Variants in PTPN2 observed in about 807,000 individuals in gnomAD.
PTPN2 encodes tyrosine-protein phosphatase non-receptor type 2.
A neutral mutation model predicts 57.3 loss-of-function variants in PTPN2; 19 were observed. The ratio of observed to expected loss-of-function variants is 0.33; its 90% CI spans 0.23 to 0.49. PTPN2 has a LOEUF of 0.49. PTPN2 is among the 20% of genes least tolerant of loss of function. PTPN2 has a pLI of 0.99. For synonymous variants in PTPN2, 153 were observed against 164.9 expected, an observed-to-expected ratio of 0.93 and a Z score of 0.55; for missense variants, 358 against 501.1, an observed-to-expected ratio of 0.71 and a Z score of 2.73.
At chr18:12,805,082 C>T (rs551059057) in intron 7 of PTPN2, among the ~76,000 whole-genome samples, 4 of 152,278 alleles carry the variant, frequency 2.6e-5, no homozygotes, top group African/African-American at 7.2e-5. Flanking sequence ...AATCAATAAA[C>T]ATGATCTCTC....
intron 4 of PTPN2, among the ~76,000 whole-genome samples, chr18:12,829,952 T>G (rs2042611065): frequency 6.6e-6 from 1 of 152,192 alleles, no homozygotes; most frequent in Non-Finnish European, 1.5e-5. Flanking sequence ...GTTAACCATC[T>G]AGGTTCAACC....
chr18:12,804,167 C>T (rs2041534671), intron 7 of PTPN2, among the ~76,000 whole-genome samples: 1 of 150,968 alleles, frequency 6.6e-6, no homozygotes, highest in African/African-American at 2.4e-5. Context: ...TGGTGGGCAC[C>T]TGTAATTCCA....
rs374559958 is a variant in PTPN2 at position 12,794,319 on chromosome 18, A to T, written c.1207T>A (p.Phe403Ile). Residue 403 changes from phenylalanine (F) to isoleucine (I), a missense_variant, in exon 9 of 9, where the codon TTT becomes ATT. Physicochemically the swap from Phe to Ile is conservative, Grantham distance 21 (BLOSUM62 0). Transcript: ENST00000309660. Reference protein sequence around the residue: ...GFMSVILVGAFVGWTLFFQQN... With the variant: ...GFMSVILVGAIVGWTLFFQQN... ...TGAAAAAACAGTGTCCAGCCAACAAAAGCGCCAACCAAAATGACTGACATA... is the reference window on the plus strand; with the variant it reads ...TGAAAAAACAGTGTCCAGCCAACAATAGCGCCAACCAAAATGACTGACATA... 5.6e-6 allele frequency: 9 copies of T among 1,614,096 alleles called. No individual in the cohort carries two copies. The highest frequency in any genetic ancestry group is 7.6e-6 in the Non-Finnish European group (9 of 1,180,048).
intron 2 of PTPN2, among the ~76,000 whole-genome samples, chr18:12,839,875 A>G (rs1169901152): frequency 6.6e-6 from 1 of 151,848 alleles, no homozygotes; most frequent in Admixed American, 6.6e-5. Context: ...AGAAATGACT[A>G]GTGCTAGCTG....
rs186729686 is a variant in PTPN2 at position 12,870,310 on chromosome 18, C to T, written c.70-11056G>A. ...ATATACATATATATGTGTATATATA[C>T]ATATATATGTGTATATATATGTATA... On this transcript the variant is annotated intron_variant, in intron 1 of 8. Coordinates refer to ENST00000309660, the MANE Select transcript of PTPN2 (RefSeq NM_002828.4). Among the ~76,000 whole-genome samples, 455 of 56,894 alleles carry T rather than the reference C, an allele frequency of 8.0e-3. 8 individuals carry two copies. Among genetic ancestry groups the T allele is most frequent in the African/African-American group, 0.039 (302 of 7,816 alleles). 37.3% of individuals were successfully genotyped at this position (56,894 alleles called of 152,430 possible).
At chr18:12,866,370 G>A (rs981578422) in intron 1 of PTPN2, among the ~76,000 whole-genome samples, 15 of 152,118 alleles carry the variant, frequency 9.9e-5, no homozygotes, top group African/African-American at 2.9e-4. Context: ...CCCAGGAGGC[G>A]GGGCTTGCAG....
At chr18:12,827,368 A>AATG (rs1382685850) in intron 4 of PTPN2, among the ~76,000 whole-genome samples, 1 of 148,660 alleles carries the variant, frequency 6.7e-6, no homozygotes, top group Admixed American at 6.9e-5. Flanking sequence ...TAATAATAAT[A>AATG]ATAATGCCTT....
chr18:12,880,219 C>T (rs1345272244), intron 1 of PTPN2, among the ~76,000 whole-genome samples: 1 of 152,124 alleles, frequency 6.6e-6, no homozygotes, highest in Non-Finnish European at 1.5e-5. Flanking sequence ...CATTTACAAA[C>T]GCCCTAAGGG....
intron 6 of PTPN2, among the ~76,000 whole-genome samples, chr18:12,816,100 T>C (rs534354636): frequency 6.6e-6 from 1 of 152,264 alleles, no homozygotes; most frequent in Admixed American, 6.5e-5. Flanking sequence ...GCCCAGGAAT[T>C]TGAGACTAGC....
intron 1 of PTPN2, among the ~76,000 whole-genome samples, chr18:12,866,363 A>G (rs915672936): frequency 6.6e-6 from 1 of 152,042 alleles, no homozygotes; most frequent in Non-Finnish European, 1.5e-5. Flanking sequence ...GCGTGAACCC[A>G]GGAGGCGGGG....
chr18:12,859,528 G>A (rs529924168), intron 1 of PTPN2, among the ~76,000 whole-genome samples: 2 of 152,280 alleles, frequency 1.3e-5, no homozygotes, highest in South Asian at 2.1e-4. Flanking sequence ...ATTGAACCAA[G>A]GTCCTTCAGA....
At chr18:12,870,526 T>TTG (rs2044234058) in intron 1 of PTPN2, among the ~76,000 whole-genome samples, 1 of 134,600 alleles carries the variant, frequency 7.4e-6, no homozygotes, top group African/African-American at 2.9e-5. Context: ...TTTTTTTTTT[T>TTG]GAGACAGAGT....
intron 1 of PTPN2, among the ~76,000 whole-genome samples, chr18:12,870,683 G>A (rs1459347029): frequency 6.6e-6 from 1 of 150,432 alleles, no homozygotes; most frequent in Admixed American, 6.7e-5. Flanking sequence ...TACTTTTTTT[G>A]TGTTTTTAGT....
In PTPN2 at chr18:12,793,627, T is replaced by G. The variant is rs1438273117; in HGVS notation, c.*651A>C. On this transcript the variant is annotated 3_prime_UTR_variant, in exon 9 of 9. Transcript: ENST00000309660. ...ATAGTAGAAATTGCTTATTCCAACT[T>G]CTAACTGCTCATATCAAACTTCTCT... 2 of 981,666 alleles carry G rather than the reference T, an allele frequency of 2.0e-6. No individual in the cohort carries two copies. Among genetic ancestry groups the G allele is most frequent in the Non-Finnish European group, 2.4e-6 (2 of 826,044 alleles). 60.8% of individuals were successfully genotyped at this position (981,666 alleles called of 1,614,324 possible).
intron 9 of PTPN2, chr18:12,786,104 T>C (rs2040837958): frequency 2.1e-6 from 1 of 482,616 alleles, no homozygotes; most frequent in Non-Finnish European, 3.7e-6. Flanking sequence ...CTTCAAGAAT[T>C]ATGTGAATTC....
chr18:12,793,358 C>G lies in PTPN2; in HGVS notation c.*920G>C. 1.0e-6 allele frequency: 1 copy of G among 977,168 alleles called. No individual in the cohort carries two copies. Among genetic ancestry groups the G allele is most frequent in the South Asian group, 4.7e-5 (1 of 21,108 alleles). The allele number at this position is 977,168 out of a possible 1,614,324, so 60.5% of individuals were successfully genotyped here. Reference sequence around the variant, plus strand: ...AATTATGAATCATAAAATGCTGCTTCTTACTTTTGCTTCCTAAATCATAAT... The same window carrying G: ...AATTATGAATCATAAAATGCTGCTTGTTACTTTTGCTTCCTAAATCATAAT... On this transcript the variant is annotated 3_prime_UTR_variant, in exon 9 of 9. Transcript: ENST00000309660.
At position 12,801,491 on chromosome 18, in the gene PTPN2, G is replaced by GA. The variant is rs966049657; in HGVS notation, c.1040+478dup. On this transcript the variant is annotated intron_variant, in intron 8 of 8. Coordinates refer to ENST00000309660, the MANE Select transcript of PTPN2 (RefSeq NM_002828.4). ...ACCGCACTCTAGCCTGGGTGACAGA[G>GA]AAAAAAAAAGGTTATATTAATTCAA... Among the ~76,000 whole-genome samples, 18 of 147,576 alleles carry GA rather than the reference G, an allele frequency of 1.2e-4. No homozygotes were observed. In the South Asian group the frequency reaches 1.7e-3, roughly 14 times the overall value.
intron 8 of PTPN2, among the ~76,000 whole-genome samples, chr18:12,795,174 T>C (rs2041126233): frequency 6.6e-6 from 1 of 152,242 alleles, no homozygotes; most frequent in South Asian, 2.1e-4. Flanking sequence ...TTAAGGCTCT[T>C]ATAAAAGCTA....
chr18:12,859,299 C>A, intron 1 of PTPN2, 45 bp from the exon 2 acceptor site: 1 of 1,311,888 alleles, frequency 7.6e-7, no homozygotes. Flanking sequence ...TTAAATTCTC[C>A]ACAGCAAAAC....
Sources: allele counts gnomAD v4.1 joint callset (sites outside exome capture counted in the v4.1 genomes callset), GRCh38; gene constraint gnomAD v4.1.1; transcripts MANE v1.5; gene names NCBI Gene and HGNC (gene_info 2026-07-23, HGNC 2026-07-21).